SORL1: variants seen among roughly 807,000 people sequenced by gnomAD.
The protein encoded by SORL1 is sortilin-related receptor.
A neutral mutation model predicts 273.7 loss-of-function variants in SORL1; 127 were observed. That is an observed-to-expected ratio of 0.46 (90% CI 0.40 to 0.54). SORL1 has a LOEUF of 0.54. SORL1 is among the 20% of genes least tolerant of loss of function. SORL1 has a pLI of 0.00. For synonymous variants in SORL1, 1,031 were observed against 1,067.4 expected (o/e 0.97, Z 0.66); for missense variants, 2,494 against 2,846.1 (o/e 0.88, Z 2.81).
chr11:121,564,597 G>C lies in SORL1; in HGVS notation c.3050-2343G>C, dbSNP rs142320109. Among the ~76,000 whole-genome samples, 295 of 151,626 alleles carry C rather than the reference G, an allele frequency of 1.9e-3. 2 individuals are homozygous for C. The highest frequency in any genetic ancestry group is 6.6e-3 in the African/African-American group (274 of 41,374). ...GTTTTGTTTGTTTGTTTGTTTTTGA[G>C]ACAGGCTCTGGCTCTGTTACCCAGG... is the stretch of plus-strand genomic sequence containing the variant. On this transcript the variant is annotated intron_variant, in intron 21 of 47. Transcript: ENST00000260197.
In SORL1 at chr11:121,621,085, G is replaced by T. The variant is rs763540595; in HGVS notation, c.5911G>T (p.Asp1971Tyr). ...CTAGTTGTATGCAGTTGCAGTCAAA[G>T]ATCTCATAAGAAAGACTGACAGGAG... is the stretch of plus-strand genomic sequence containing the variant. Reference protein sequence around the residue: ...QDLLYAVAVKDLIRKTDRSYK... With the variant: ...QDLLYAVAVKYLIRKTDRSYK... Residue 1971 changes from aspartate to tyrosine, a missense_variant, in exon 44 of 48, where the codon GAT (aspartate) becomes TAT (tyrosine). Coordinates refer to ENST00000260197, the MANE Select transcript of SORL1 (RefSeq NM_003105.6). 11 of 1,611,210 alleles carry T rather than the reference G, an allele frequency of 6.8e-6. No individual in the cohort carries two copies. The highest frequency in any genetic ancestry group is 9.3e-6 in the Non-Finnish European group (11 of 1,178,474).
chr11:121,599,548 TA>T (rs1007880068), intron 32 of SORL1, among the ~76,000 whole-genome samples: 3 of 152,158 alleles, frequency 2.0e-5, no homozygotes, highest in Admixed American at 6.5e-5. Context: ...GTCAAATAAA[TA>T]AAAAAATAAA....
Position 121,555,310 on chromosome 11 carries a change from A to G in SORL1, c.2563A>G (p.Lys855Glu). The change falls in exon 18 of 48, where the codon AAG becomes GAG. Residue 855 changes from lysine (K) to glutamate (E), a missense_variant. Physicochemically the swap from Lys to Glu is moderately conservative, Grantham distance 56. Around this residue, in one of 3 missense-constraint regions of SORL1, gnomAD observed 1,609 missense variants for 1,816.4 expected, o/e 0.89. Coordinates refer to ENST00000260197, the MANE Select transcript of SORL1 (RefSeq NM_003105.6). ...TTACTGGGTAGATGCAGGCTTCAAA[A>G]AGATTGAGGTATGTGTATTTTCGTG... ...LLYWVDAGFK[K>E]IEVANPDGDF... 2 of 1,613,800 alleles carry G rather than the reference A, an allele frequency of 1.2e-6. No individual in the cohort carries two copies.
intron 30 of SORL1, 98 bp downstream of exon 30, chr11:121,590,272 G>C: frequency 7.7e-7 from 1 of 1,302,344 alleles, no homozygotes; most frequent in Non-Finnish European, 1.1e-6. Flanking sequence ...TCCGTGTTTT[G>C]GGGGGCATAT....
intron 31 of SORL1, among the ~76,000 whole-genome samples, chr11:121,592,001 T>G (rs1442304928): frequency 6.6e-6 from 1 of 152,208 alleles, no homozygotes; most frequent in African/African-American, 2.4e-5. Context: ...GAGTTTCCTC[T>G]TGTTCTCCTG....
chr11:121,453,507 G>A (rs964013392), intron 1 of SORL1, among the ~76,000 whole-genome samples: 3 of 152,184 alleles, frequency 2.0e-5, no homozygotes, highest in Admixed American at 2.0e-4. Context: ...ATTGACATCA[G>A]CAAAAGTATA....
In SORL1 at chr11:121,555,338, G is replaced by A. The variant is rs1219928484; in HGVS notation, c.2571+20G>A. The A allele has an allele frequency of 6.2e-7, 1 of 1,611,996 alleles. No homozygotes were observed. Among genetic ancestry groups the A allele is most frequent in the African/African-American group, 1.3e-5 (1 of 74,824 alleles). On this transcript the variant is annotated intron_variant, in intron 18 of 47. Coordinates refer to ENST00000260197, the MANE Select transcript of SORL1 (RefSeq NM_003105.6). The stretch of plus-strand genomic sequence containing the variant: ...ATTGAGGTATGTGTATTTTCGTGCT[G>A]TTCTTAATTAAGGGAGCAGGCGGGG...
chr11:121,608,354 G>T, intron 38 of SORL1, 178 bp downstream of exon 38: 1 of 586,580 alleles, frequency 1.7e-6, no homozygotes, highest in Non-Finnish European at 3.0e-6. Context: ...GAGTCTTTTT[G>T]GGGTGACTGA....
At chr11:121,587,118 G>T (rs1863128118) in intron 27 of SORL1, among the ~76,000 whole-genome samples, 1 of 152,204 alleles carries the variant, frequency 6.6e-6, no homozygotes, top group Non-Finnish European at 1.5e-5. Context: ...TTGTGACAGA[G>T]TCTGTATGAC....
Position 121,481,097 on chromosome 11 carries a change from T to G in SORL1, c.528+2854T>G, listed in dbSNP as rs11218307. Among the ~76,000 whole-genome samples, 127 of 124,600 alleles carry G rather than the reference T, an allele frequency of 1.0e-3. 3 individuals carry two copies. The highest frequency in any genetic ancestry group is 4.3e-3 in the African/African-American group (124 of 29,040). The allele number at this position is 124,600 out of a possible 152,430, so 81.7% of individuals were successfully genotyped here. ...CAGGCTTCATCTCCTCCTCCCCAGC[T>G]CCTCCCCTAGTACACAGATACCTGT... On this transcript the variant is annotated intron_variant, in intron 3 of 47. Coordinates refer to ENST00000260197, the MANE Select transcript of SORL1 (RefSeq NM_003105.6).
chr11:121,517,199 A>G (rs1466785733), intron 8 of SORL1, among the ~76,000 whole-genome samples: 1 of 152,224 alleles, frequency 6.6e-6, no homozygotes, highest in Non-Finnish European at 1.5e-5. Context: ...TTTCTCCAAA[A>G]GAGAACCCCA....
intron 31 of SORL1, among the ~76,000 whole-genome samples, chr11:121,593,239 G>T (rs1219751351): frequency 6.6e-6 from 1 of 152,152 alleles, no homozygotes; most frequent in African/African-American, 2.4e-5. Context: ...CTGCAGAGTG[G>T]TTCTGAGATA....
At chr11:121,484,306 A>G (rs2134805095) in intron 3 of SORL1, among the ~76,000 whole-genome samples, 1 of 152,304 alleles carries the variant, frequency 6.6e-6, no homozygotes, top group East Asian at 1.9e-4. Flanking sequence ...CAAACCTGGT[A>G]TCACCCTCTA....
At chr11:121,540,820 T>C (rs1862337182) in intron 12 of SORL1, among the ~76,000 whole-genome samples, 2 of 152,240 alleles carry the variant, frequency 1.3e-5, no homozygotes, top group South Asian at 2.1e-4. Flanking sequence ...GGTGATTCAT[T>C]TCCTGAGGTT....
intron 24 of SORL1, among the ~76,000 whole-genome samples, chr11:121,574,603 C>T (rs1565341426): frequency 1.3e-5 from 2 of 152,160 alleles, no homozygotes; most frequent in Non-Finnish European, 1.5e-5. Flanking sequence ...CGAACTGGGA[C>T]CCTAGATTCC....
chr11:121,527,036 G>A (rs1468277441), intron 11 of SORL1, among the ~76,000 whole-genome samples: 1 of 151,552 alleles, frequency 6.6e-6, no homozygotes, highest in South Asian at 2.1e-4. Context: ...CAATGGCTAG[G>A]ACCTCTATAC....
rs144866451 is a variant in SORL1, at chr11:121,488,235, GT to G, written c.690+46del. 1,922 of 1,598,684 alleles carry G rather than the reference GT, an allele frequency of 1.2e-3. 19 individuals carry two copies. In the African/African-American group the frequency reaches 0.023, roughly 20 times the overall value. ...AACCCAGTTGCATGGGGCTCCTCTA[GT>G]TTTCTCCTCTGCCTGTGTGGATTGT... On this transcript the variant is annotated intron_variant, in intron 4 of 47. Transcript: ENST00000260197.
chr11:121,558,216 A>G (rs1862620404), intron 19 of SORL1, among the ~76,000 whole-genome samples: 1 of 152,212 alleles, frequency 6.6e-6, no homozygotes, highest in Non-Finnish European at 1.5e-5. Context: ...ACCTTTTTAA[A>G]CAAACTTAAT....
At chr11:121,572,867 T>C (rs755547384) in intron 23 of SORL1, among the ~76,000 whole-genome samples, 2 of 152,112 alleles carry the variant, frequency 1.3e-5, no homozygotes, top group African/African-American at 2.4e-5. Flanking sequence ...ACGAGCTCAA[T>C]TACAGAGAAG....
Sources: allele counts gnomAD v4.1 joint callset (sites outside exome capture counted in the v4.1 genomes callset), GRCh38; gene constraint gnomAD v4.1.1; regional missense constraint gnomAD v4.1.1; transcripts MANE v1.5; gene names NCBI Gene and HGNC (gene_info 2026-07-23, HGNC 2026-07-21).